The following ARHGEF18 variants were observed in gnomAD, a reference collection of about 807,000 sequenced individuals.
ARHGEF18 encodes the protein Rho/Rac guanine nucleotide exchange factor 18, also known as rho guanine nucleotide exchange factor 18.
Under a neutral mutation model 155.7 loss-of-function variants are expected in ARHGEF18, and 93 were observed. The ratio of observed to expected loss-of-function variants is 0.60; its 90% CI spans 0.50 to 0.71. The LOEUF is 0.71. Ranked by LOEUF, ARHGEF18 falls within the 30% of genes least tolerant of loss-of-function variation. The pLI is 0.00. For missense variants in ARHGEF18, 1,593 were observed against 1,816.1 expected (o/e 0.88, Z 2.23); for synonymous variants, 742 against 753.1 (o/e 0.99, Z 0.24).
In ARHGEF18 at chr19:7,395,875, G is replaced by C. The variant is rs1971669942; in HGVS notation, c.967+12672G>C. ...TCAACTTTTATTTGAGATTGAGGGGGTACATGTACAGGTTTGTTACCTGGA... is the reference window on the plus strand; with the variant it reads ...TCAACTTTTATTTGAGATTGAGGGGCTACATGTACAGGTTTGTTACCTGGA... On this transcript the variant is annotated intron_variant, in intron 10 of 28. Coordinates refer to ENST00000668164, the MANE Select transcript of ARHGEF18 (RefSeq NM_001367823.1). The surrounding 1 kb of genome is among the most constrained non-coding windows in gnomAD (Gnocchi z 5.0). Among the ~76,000 whole-genome samples the C allele has an allele frequency of 6.6e-6, 1 of 152,138 alleles. No individual in the cohort carries two copies. The highest frequency in any genetic ancestry group is 1.5e-5 in the Non-Finnish European group (1 of 68,026).
intron 5 of ARHGEF18, among the ~76,000 whole-genome samples, chr19:7,376,996 TC>T (rs998684126): frequency 6.6e-6 from 1 of 151,878 alleles, no homozygotes; most frequent in African/African-American, 2.4e-5. Flanking sequence ...CCTCCTCCTC[TC>T]CCTGCAGCTC....
intron 10 of ARHGEF18, among the ~76,000 whole-genome samples, chr19:7,423,065 C>T (rs1400935380): frequency 6.6e-6 from 1 of 151,930 alleles, no homozygotes; most frequent in Non-Finnish European, 1.5e-5. Flanking sequence ...TTTTTGGAAA[C>T]ATGGCTCATG....
Position 7,470,323 on chromosome 19 carries a change from G to C in ARHGEF18, c.*25G>C, listed in dbSNP as rs78305694. ...AAAGGGCCGTGACTCAAGGTGCAAG[G>C]CCCCTCCCTGCCCTGCCCACCCTTC... On this transcript the variant is annotated 3_prime_UTR_variant, in exon 29 of 29. Transcript: ENST00000668164. The surrounding 1 kb of genome is among the most constrained non-coding windows in gnomAD (Gnocchi z 5.9). The C allele has an allele frequency of 0.013, 19,488 of 1,455,368 alleles. 177 individuals carry two copies. Among genetic ancestry groups the C allele is most frequent in the Non-Finnish European group, 0.016 (17,764 of 1,099,836 alleles). 90.2% of individuals were successfully genotyped at this position (1,455,368 alleles called of 1,614,324 possible). A position where few individuals can be genotyped will look rare whatever the true frequency, so the allele number is the denominator to read the frequency against.
intron 10 of ARHGEF18, among the ~76,000 whole-genome samples, chr19:7,388,237 T>TA (rs1341006336): frequency 6.6e-6 from 1 of 152,002 alleles, no homozygotes; most frequent in Non-Finnish European, 1.5e-5. Context: ...CCAAGCACTG[T>TA]AAGTGCTTTA....
chr19:7,442,377 G>T (rs1974718626), intron 13 of ARHGEF18, among the ~76,000 whole-genome samples: 1 of 151,984 alleles, frequency 6.6e-6, no homozygotes, highest in South Asian at 2.1e-4. Flanking sequence ...GGGACCACAG[G>T]CATGGGCCAC....
intron 1 of ARHGEF18, among the ~76,000 whole-genome samples, chr19:7,352,832 C>CTGTTTT (rs1969191272): frequency 2.0e-5 from 1 of 49,876 alleles, no homozygotes; most frequent in Admixed American, 3.8e-4. Context: ...CGTGCCTGGC[C>CTGTTTT]TTTTTTTTTT....
chr19:7,440,665 G>A lies in ARHGEF18; in HGVS notation c.1106+183G>A. Among the ~76,000 whole-genome samples, 1 of 152,082 alleles carries A rather than the reference G, an allele frequency of 6.6e-6. No individual in the cohort carries two copies. Among genetic ancestry groups the A allele is most frequent in the Non-Finnish European group, 1.5e-5 (1 of 67,990 alleles). Reference sequence around the variant, plus strand: ...GGATCCACGCCTTTTTTGCAAAAACGATGTGTCCCGGGGTGTATTCGGCCC... The same window carrying A: ...GGATCCACGCCTTTTTTGCAAAAACAATGTGTCCCGGGGTGTATTCGGCCC... On this transcript the variant is annotated intron_variant, in intron 11 of 28. Coordinates refer to ENST00000668164, the MANE Select transcript of ARHGEF18 (RefSeq NM_001367823.1). This position sits in a 1 kb window ranked among gnomAD's most constrained non-coding sequence, Gnocchi z 5.4.
chr19:7,367,859 CATATATATTTTTATAT>C lies in ARHGEF18; in HGVS notation c.16-4941_16-4926del, dbSNP rs1487045771. On this transcript the variant is annotated intron_variant, in intron 2 of 28. Transcript: ENST00000668164. ...TATATATTTTATATATATATATACA[CATATATATTTTTATAT>C]ATATATATTTTATATATATTTTTTA... Among the ~76,000 whole-genome samples, 6 of 33,504 alleles carry C rather than the reference CATATATATTTTTATAT, an allele frequency of 1.8e-4. 1 individual carries two copies. Among genetic ancestry groups the C allele is most frequent in the African/African-American group, 8.3e-4 (6 of 7,264 alleles). 22.0% of individuals were successfully genotyped at this position (33,504 alleles called of 152,430 possible). A position where few individuals can be genotyped will look rare whatever the true frequency, so the allele number is the denominator to read the frequency against.
At chr19:7,382,985 G>A (rs760723093) in intron 9 of ARHGEF18, 77 bp from the exon 10 acceptor site, 27 of 1,232,226 alleles carry the variant, frequency 2.2e-5, no homozygotes, top group Non-Finnish European at 2.5e-5. Flanking sequence ...TGGGGCTGGT[G>A]GTGGGCTGGG....
chr19:7,380,901 C>G lies in ARHGEF18; in HGVS notation c.645-16C>G. The stretch of plus-strand genomic sequence containing the variant: ...GAGGCTGCCGACCCAGGTATCTGTC[C>G]CCTCTGATCCTGCAGGGCCCGGCAG... On this transcript the variant is annotated splice_polypyrimidine_tract_variant and intron_variant, in intron 7 of 28. Transcript: ENST00000668164. 1 of 1,231,586 alleles carries G rather than the reference C, an allele frequency of 8.1e-7. No individual in the cohort carries two copies. The highest frequency in any genetic ancestry group is 1.0e-6 in the Non-Finnish European group (1 of 987,608). The allele number at this position is 1,231,586 out of a possible 1,614,324, so 76.3% of individuals were successfully genotyped here. A position where few individuals can be genotyped will look rare whatever the true frequency, so the allele number is the denominator to read the frequency against.
intron 10 of ARHGEF18, among the ~76,000 whole-genome samples, chr19:7,384,941 C>T (rs549634565): frequency 6.6e-6 from 1 of 152,234 alleles, no homozygotes; most frequent in South Asian, 2.1e-4. Context: ...GCGATCCTCC[C>T]GCCTCAGCCT....
chr19:7,394,689 C>G (rs375240236), intron 10 of ARHGEF18, among the ~76,000 whole-genome samples: 1 of 151,514 alleles, frequency 6.6e-6, no homozygotes, highest in Non-Finnish European at 1.5e-5. Context: ...TGCTGTACCC[C>G]CCTTGAGATT....
intron 10 of ARHGEF18, among the ~76,000 whole-genome samples, chr19:7,387,731 G>A (rs941406208): frequency 3.3e-5 from 5 of 152,002 alleles, no homozygotes; most frequent in African/African-American, 7.2e-5. Context: ...GTGCAGTGGC[G>A]TGATGTCGGC....
intron 2 of ARHGEF18, among the ~76,000 whole-genome samples, chr19:7,364,402 A>AAGGAAGGAAGGAAAGC (rs36151895): frequency 7.7e-6 from 1 of 129,648 alleles, no homozygotes; most frequent in Non-Finnish European, 1.7e-5. Flanking sequence ...GGAAGGAAGG[A>AAGGAAGGAAGGAAAGC]AGGCAGGCTG....
chr19:7,362,166 GGAGAAGA>G (rs1969637301), intron 1 of ARHGEF18, among the ~76,000 whole-genome samples: 1 of 41,638 alleles, frequency 2.4e-5, no homozygotes, highest in Admixed American at 2.5e-4. Context: ...AGGAGAAGAA[GGAGAAGA>G]AGGAGAAGAA....
At chr19:7,424,490 G>A (rs965313733) in intron 10 of ARHGEF18, among the ~76,000 whole-genome samples, 47 of 152,232 alleles carry the variant, frequency 3.1e-4, no homozygotes, top group African/African-American at 1.1e-3. Flanking sequence ...GGAATGCCTC[G>A]AATGTCTAAC....
At chr19:7,378,684 CT>C (rs548305968) in intron 6 of ARHGEF18, among the ~76,000 whole-genome samples, 302 of 88,070 alleles carry the variant, frequency 3.4e-3, no homozygotes, top group African/African-American at 0.01. Flanking sequence ...ACAATTGTGG[CT>C]TTTTTTTTTT....
chr19:7,378,289 C>T, intron 5 of ARHGEF18, 105 bp from the exon 6 acceptor site: 1 of 818,754 alleles, frequency 1.2e-6, no homozygotes, highest in East Asian at 3.4e-5. Context: ...GCATGGCCTC[C>T]AGTTCTGCAG....
rs762196307 is a variant in ARHGEF18, at chr19:7,385,833, A to ATCTCTCTCTCTCTCTCTCTCTC, written c.967+2647_967+2668dup. Among the ~76,000 whole-genome samples, 4 of 51,976 alleles carry ATCTCTCTCTCTCTCTCTCTCTC rather than the reference A, an allele frequency of 7.7e-5. 1 individual carries two copies. Among genetic ancestry groups the ATCTCTCTCTCTCTCTCTCTCTC allele is most frequent in the Non-Finnish European group, 1.4e-4 (4 of 27,636 alleles). 34.1% of individuals were successfully genotyped at this position (51,976 alleles called of 152,430 possible). On this transcript the variant is annotated intron_variant, in intron 10 of 28. Coordinates refer to ENST00000668164, the MANE Select transcript of ARHGEF18 (RefSeq NM_001367823.1). ...TTAGAGATAGGATCTATCTCTCTCT[A>ATCTCTCTCTCTCTCTCTCTCTC]TCTCTCTCTCTCTCTCTCTCTCTCT...
Sources: gnomAD v4.1 joint callset for allele counts (sites outside exome capture counted in the v4.1 genomes callset) on GRCh38, gnomAD v4.1.1 for gene constraint, Gnocchi (gnomAD v3.1) non-coding constraint, MANE v1.5 for transcripts, NCBI Gene and HGNC (gene_info 2026-07-23, HGNC 2026-07-21) for gene names.